The following HEMGN variants were observed in gnomAD, a reference collection of about 807,000 sequenced individuals.
HEMGN encodes hemogen.
Under a neutral mutation model 45.7 loss-of-function variants are expected in HEMGN, and 32 were observed. The ratio of observed to expected loss-of-function variants is 0.70; its 90% CI spans 0.53 to 0.94. The LOEUF (loss-of-function observed/expected upper bound fraction) is 0.94. Among genes scored for constraint, HEMGN ranks in the 40% least tolerant of loss-of-function variants. The pLI, the probability that HEMGN is intolerant of heterozygous loss-of-function variation, is 0.00. For synonymous variants in HEMGN, 183 were observed against 178.6 expected (o/e 1.02, Z -0.20); for missense variants, 530 against 564.2 (o/e 0.94, Z 0.61).
chr9:97,938,052 C>T lies in HEMGN; in HGVS notation c.79+6G>A. 3 of 1,571,468 alleles carry T rather than the reference C, an allele frequency of 1.9e-6. No homozygotes were observed. The highest frequency in any genetic ancestry group is 8.7e-7 in the Non-Finnish European group (1 of 1,151,328). ...AGCCACCAGCTCTTAAGGTATTTTT[C>T]ATTACCTGGAGAATGGTTCTCTTCT... On this transcript the variant is annotated splice_donor_region_variant and intron_variant, in intron 1 of 3. Transcript: ENST00000616898.
In HEMGN at chr9:97,930,329, T is replaced by C. The variant is rs1386682399; in HGVS notation, c.1066A>G (p.Ile356Val). The change falls in exon 3 of 4, where the codon ATA (isoleucine) becomes GTA (valine). Residue 356 changes from isoleucine (I) to valine (V), a missense_variant. Physicochemically the swap from Ile to Val is conservative, Grantham distance 29. Transcript: ENST00000616898. ...TPHSEDYSIE[I>V]NQETPGSEKY... Reference sequence around the variant, plus strand: ...TCAGACCCAGGAGTTTCTTGGTTTATTTCAATTGAATAGTCTTCAGAATGA... The same window carrying C: ...TCAGACCCAGGAGTTTCTTGGTTTACTTCAATTGAATAGTCTTCAGAATGA... 76 of 1,613,648 alleles carry C rather than the reference T, an allele frequency of 4.7e-5. 1 individual carries two copies. In the Admixed American group the frequency reaches 1.3e-3, roughly 27 times the overall value.
At chr9:97,933,668 C>T (rs1826999713) in intron 2 of HEMGN, among the ~76,000 whole-genome samples, 1 of 152,156 alleles carries the variant, frequency 6.6e-6, no homozygotes, top group African/African-American at 2.4e-5. Context: ...AGGGCTCTGG[C>T]TACCAAGTAG....
chr9:97,941,696 G>A (rs368917874), upstream of HEMGN, among the ~76,000 whole-genome samples: 2 of 152,198 alleles, frequency 1.3e-5, no homozygotes, highest in African/African-American at 2.4e-5. Context: ...AGCAGGCTTG[G>A]AGGAGATGAT....
chr9:97,931,229 AAGAAC>A lies in HEMGN; in HGVS notation c.174-13_174-9del, dbSNP rs1826947743. 1 of 1,585,114 alleles carries A rather than the reference AAGAAC, an allele frequency of 6.3e-7. No homozygotes were observed. The highest frequency in any genetic ancestry group is 1.8e-5 in the Admixed American group (1 of 54,450). ...TTGCGTTTTTTCTGTTCTCTGCAGAAAGAACAGAATTAGTGTCAGCAGTGGTACTA... is the reference window on the plus strand; with the variant it reads ...TTGCGTTTTTTCTGTTCTCTGCAGAAAGAATTAGTGTCAGCAGTGGTACTA... On this transcript the variant is annotated splice_polypyrimidine_tract_variant and intron_variant, in intron 2 of 3. Transcript: ENST00000616898.
chr9:97,939,142 G>A (rs982026031), upstream of HEMGN, among the ~76,000 whole-genome samples: 22 of 152,286 alleles, frequency 1.4e-4, no homozygotes, highest in African/African-American at 4.6e-4. Flanking sequence ...TTGAATTGAA[G>A]TGAGTTTGAA....
At chr9:97,936,630 T>C (rs1204945393) in intron 1 of HEMGN, among the ~76,000 whole-genome samples, 1 of 152,212 alleles carries the variant, frequency 6.6e-6, no homozygotes, top group East Asian at 1.9e-4. Context: ...ATCCAGTCTT[T>C]ATATTACACA....
chr9:97,929,565 GAT>G (rs1174670462), intron 3 of HEMGN, among the ~76,000 whole-genome samples: 8 of 152,180 alleles, frequency 5.3e-5, no homozygotes, highest in African/African-American at 1.9e-4. Flanking sequence ...TGGTAAACCT[GAT>G]AAATCCTACA....
At chr9:97,935,351 C>T (rs1827039898) in intron 2 of HEMGN, among the ~76,000 whole-genome samples, 1 of 152,130 alleles carries the variant, frequency 6.6e-6, no homozygotes, top group African/African-American at 2.4e-5. Flanking sequence ...TTCCCCCAAC[C>T]CCACCCCAGA....
upstream of HEMGN, among the ~76,000 whole-genome samples, chr9:97,942,111 T>C (rs1197891647): frequency 2.0e-5 from 3 of 152,158 alleles, no homozygotes. Context: ...AGTGTTTCAT[T>C]GGATCCTTGA....
At chr9:97,940,869 G>A (rs984411216), upstream of HEMGN, among the ~76,000 whole-genome samples, 2 of 152,082 alleles carry the variant, frequency 1.3e-5, no homozygotes, top group African/African-American at 2.4e-5. Flanking sequence ...TGCAGCCTGG[G>A]ACAGTAATTT....
Position 97,930,621 on chromosome 9 carries a change from AAG to A in HEMGN, c.772_773del (p.Leu258SerfsTer10). 6.2e-7 allele frequency: 1 copy of A among 1,614,212 alleles called. No individual in the cohort carries two copies. The highest frequency in any genetic ancestry group is 8.5e-7 in the Non-Finnish European group (1 of 1,180,034). ...EDTADLAGCS[L>X]QAYPKPDVPK... ...GCACATCTGGTTTTGGATATGCTTG[AAG>A]AGAGCATCCTGCCAGATCAGCTGTG... On this transcript the variant is annotated frameshift_variant, in exon 3 of 4. Coordinates refer to ENST00000616898, the MANE Select transcript of HEMGN (RefSeq NM_197978.3). LOFTEE classifies it high-confidence loss of function.
chr9:97,930,696 G>A lies in HEMGN; in HGVS notation c.699C>T (p.Cys233=). 1 of 1,614,152 alleles carries A rather than the reference G, an allele frequency of 6.2e-7. No homozygotes were observed. The change falls in exon 3 of 4, where the codon TGC becomes TGT. Residue 233 remains cysteine, a synonymous_variant. Transcript: ENST00000616898. ...GGATTTTGGGTACAGCAGCTTCTTG[G>A]CACATTTTAGGAGCCAGATCTTCTC... The part of the protein sequence containing the change: ...AKREDLAPKM[C]QEAAVPKILP...
In HEMGN at chr9:97,931,016, CT is replaced by C; in HGVS notation, c.378del (p.Val127LeufsTer27). On this transcript the variant is annotated frameshift_variant, in exon 3 of 4. Transcript: ENST00000616898. LOFTEE classifies it high-confidence loss of function. ...KVFPSVASPQ[K>X]VVPEEHFSEI... ...TCAGAAAAGTGTTCCTCAGGCACAA[CT>C]TTTTGCGGGGAGGCTACTGAAGGAA... is the stretch of plus-strand genomic sequence containing the variant. The C allele has an allele frequency of 6.2e-7, 1 of 1,614,114 alleles. No individual in the cohort carries two copies. The highest frequency in any genetic ancestry group is 1.3e-5 in the African/African-American group (1 of 75,048).
chr9:97,933,146 A>C (rs553336526), intron 2 of HEMGN, among the ~76,000 whole-genome samples: 1 of 152,222 alleles, frequency 6.6e-6, no homozygotes, highest in Non-Finnish European at 1.5e-5. Flanking sequence ...TAACCTCTAC[A>C]TGCCTTGGTT....
intron 2 of HEMGN, among the ~76,000 whole-genome samples, chr9:97,932,833 A>T (rs1826982000): frequency 6.6e-6 from 1 of 151,306 alleles, no homozygotes; most frequent in Admixed American, 6.6e-5. Flanking sequence ...AAATCTAAAG[A>T]TGATGGTTAT....
At position 97,927,327 on chromosome 9, in the gene HEMGN, C is replaced by T. The variant is rs556583622; in HGVS notation, c.*57G>A. On this transcript the variant is annotated 3_prime_UTR_variant, in exon 4 of 4. Coordinates refer to ENST00000616898, the MANE Select transcript of HEMGN (RefSeq NM_197978.3). ...GTTTTACAATATTTTGAGAAAATCA[C>T]GCATAAACTATTAAGCTGTATGTTC... 10 of 903,956 alleles carry T rather than the reference C, an allele frequency of 1.1e-5. No homozygotes were observed. Among genetic ancestry groups the T allele is most frequent in the African/African-American group, 8.4e-5 (5 of 59,352 alleles). 56.0% of individuals were successfully genotyped at this position (903,956 alleles called of 1,614,324 possible).
At chr9:97,936,307 G>A (rs756178703) in intron 1 of HEMGN, 43 bp from the exon 2 acceptor site, 2 of 1,347,652 alleles carry the variant, frequency 1.5e-6, no homozygotes, top group South Asian at 1.2e-5. Context: ...ATGAACTGTG[G>A]TGTCTATCAG....
At chr9:97,940,068 A>C (rs1465596447), upstream of HEMGN, among the ~76,000 whole-genome samples, 1 of 152,234 alleles carries the variant, frequency 6.6e-6, no homozygotes, top group African/African-American at 2.4e-5. Flanking sequence ...ACATTAGGAT[A>C]GTTTAATAAA....
At chr9:97,927,857 T>C (rs1185877918) in intron 3 of HEMGN, among the ~76,000 whole-genome samples, 1 of 152,064 alleles carries the variant, frequency 6.6e-6, no homozygotes, top group Admixed American at 6.5e-5. Flanking sequence ...AAATAAAAAA[T>C]GTTGAATGGG....
Sources: gnomAD v4.1 joint callset for allele counts (sites outside exome capture counted in the v4.1 genomes callset) on GRCh38, gnomAD v4.1.1 for gene constraint, MANE v1.5 for transcripts, NCBI Gene and HGNC (gene_info 2026-07-23, HGNC 2026-07-21) for gene names.